The following AR variants were observed in gnomAD, a reference collection of about 807,000 sequenced individuals.
AR encodes androgen receptor, also known as dihydrotestosterone receptor.
A neutral mutation model predicts 53.9 loss-of-function variants in AR; 8 were observed. The ratio of observed to expected loss-of-function variants is 0.15; its 90% CI spans 0.09 to 0.27. The LOEUF (loss-of-function observed/expected upper bound fraction) is 0.27, where lower values mean the gene tolerates loss of function less well. Ranked by LOEUF, AR falls within the 10% of genes least tolerant of loss-of-function variation. The probability of loss-of-function intolerance (pLI) is 1.00; values close to 1 mark genes in which losing one functional copy is unlikely to be tolerated. For synonymous variants in AR, 359 were observed against 316.4 expected, an observed-to-expected ratio of 1.13 and a Z score of -1.43; for missense variants, 639 against 742.5, an observed-to-expected ratio of 0.86 and a Z score of 1.62.
chrX:67,556,266 A>G (rs1405922170), intron 1 of AR, among the ~76,000 whole-genome samples: 2 of 112,188 alleles, frequency 1.8e-5, no homozygotes, highest in Non-Finnish European at 3.8e-5. Context: ...TTTCAGTCCC[A>G]TTCTTTCTTC....
chrX:67,596,707 T>G (rs1350759742), intron 1 of AR, among the ~76,000 whole-genome samples: 1 of 111,796 alleles, frequency 8.9e-6, no homozygotes, highest in Non-Finnish European at 1.9e-5. Context: ...CATAGACTAG[T>G]GAGCACCACT....
chrX:67,556,355 A>G (rs1921051944), intron 1 of AR, among the ~76,000 whole-genome samples: 1 of 111,561 alleles, frequency 9.0e-6, no homozygotes, highest in African/African-American at 3.3e-5. Flanking sequence ...CAGAGAGGCA[A>G]AAGAACCACA....
chrX:67,727,727 C>T lies in AR; in HGVS notation c.*3886C>T. On this transcript the variant is annotated 3_prime_UTR_variant, in exon 8 of 8. Transcript: ENST00000374690. ...CTACCCGAGCATGGCCCCTGCATAG[C>T]CCTGGAAAAATAAGAGGCTGACTGT... 5.8e-6 allele frequency: 1 copy of T among 172,615 alleles called. No individual in the cohort carries two copies. Among genetic ancestry groups the T allele is most frequent in the Non-Finnish European group, 1.1e-5 (1 of 89,809 alleles). 14.2% of individuals were successfully genotyped at this position (172,615 alleles called of 1,213,427 possible).
intron 1 of AR, among the ~76,000 whole-genome samples, chrX:67,589,829 G>A (rs1922742967): frequency 9.0e-6 from 1 of 111,594 alleles, no homozygotes; most frequent in East Asian, 2.8e-4. Context: ...AAGCCTCAAG[G>A]GGAGGAGCTG....
At chrX:67,641,202 G>A (rs899922316) in intron 1 of AR, among the ~76,000 whole-genome samples, 6 of 111,694 alleles carry the variant, frequency 5.4e-5, no homozygotes, top group Non-Finnish European at 7.5e-5. Context: ...TAATAGATGC[G>A]TGATCTTGAA....
chrX:67,699,105 G>C (rs1321927739), intron 3 of AR, among the ~76,000 whole-genome samples: 2 of 112,199 alleles, frequency 1.8e-5, no homozygotes, highest in African/African-American at 6.5e-5. Flanking sequence ...TTCCTTACAA[G>C]GAAGATGTAT....
chrX:67,656,739 G>T (rs1302767527), intron 2 of AR, among the ~76,000 whole-genome samples: 1 of 110,679 alleles, frequency 9.0e-6, no homozygotes, highest in Non-Finnish European at 1.9e-5. Flanking sequence ...TTTATGTCAG[G>T]CCTCGTGCTG....
rs2147315593 is a variant in AR, at chrX:67,545,456, C to T, written c.310C>T (p.Pro104Ser). ...TTCTCCCCAAGCCCATCGTAGAGGC[C>T]CCACAGGCTACCTGGTCCTGGATGA... ...DGSPQAHRRG[P>S]TGYLVLDEEQ... The change falls in exon 1 of 8, where the codon CCC (proline) becomes TCC (serine). Residue 104 changes from proline (P) to serine (S), a missense_variant. This residue lies in a region of AR where 55 missense variants were observed against 84.8 expected (regional missense o/e 0.65). Coordinates refer to ENST00000374690, the MANE Select transcript of AR (RefSeq NM_000044.6). 8.3e-7 allele frequency: 1 copy of T among 1,201,396 alleles called. No homozygotes were observed. The highest frequency in any genetic ancestry group is 1.1e-6 in the Non-Finnish European group (1 of 890,622).
intron 2 of AR, among the ~76,000 whole-genome samples, chrX:67,666,950 G>T (rs979937960): frequency 4.5e-5 from 5 of 110,400 alleles, no homozygotes; most frequent in African/African-American, 1.6e-4. Context: ...CTCTTTATAT[G>T]CCCTAGTTAC....
At chrX:67,663,822 T>G (rs1220191551) in intron 2 of AR, among the ~76,000 whole-genome samples, 1 of 111,878 alleles carries the variant, frequency 8.9e-6, no homozygotes. Flanking sequence ...CTTTGTTCAT[T>G]TCTTTTTATT....
intron 3 of AR, among the ~76,000 whole-genome samples, chrX:67,697,704 A>T (rs764136361): frequency 6.3e-5 from 7 of 111,837 alleles, no homozygotes; most frequent in Non-Finnish European, 1.3e-4. Context: ...CCTATGCAGT[A>T]GTCCAGTCAT....
intron 1 of AR, among the ~76,000 whole-genome samples, chrX:67,625,168 A>G (rs1052064921): frequency 9.0e-6 from 1 of 111,229 alleles, no homozygotes; most frequent in African/African-American, 3.3e-5. Context: ...TTCACTCACA[A>G]TATAATCAAA....
Position 67,723,999 on chromosome X carries a change from C to A in AR, c.*158C>A. Reference sequence around the variant, plus strand: ...ATGTTCCTGAATTCTATTTGCTGGGCTTTTTTTTTCTCTTTCTCTCCTTTC... The same window carrying A: ...ATGTTCCTGAATTCTATTTGCTGGGATTTTTTTTTCTCTTTCTCTCCTTTC... On this transcript the variant is annotated 3_prime_UTR_variant, in exon 8 of 8. Coordinates refer to ENST00000374690, the MANE Select transcript of AR (RefSeq NM_000044.6). 4.3e-6 allele frequency: 3 copies of A among 695,772 alleles called. No homozygotes were observed. The highest frequency in any genetic ancestry group is 6.3e-6 in the Non-Finnish European group (3 of 478,256). The allele number at this position is 695,772 out of a possible 1,213,427, so 57.3% of individuals were successfully genotyped here.
chrX:67,646,306 T>C (rs1346374212), intron 2 of AR, among the ~76,000 whole-genome samples: 2 of 111,009 alleles, frequency 1.8e-5, no homozygotes, highest in Non-Finnish European at 3.8e-5. Context: ...CATTTTCTCC[T>C]TGTCAGTAAT....
chrX:67,633,727 C>A (rs12864107), intron 1 of AR, among the ~76,000 whole-genome samples: 2 of 111,286 alleles, frequency 1.8e-5, no homozygotes, highest in African/African-American at 6.5e-5. Flanking sequence ...GTTTATCTGT[C>A]AATAATAAGA....
chrX:67,626,965 CT>C (rs1168515099), intron 1 of AR, among the ~76,000 whole-genome samples: 4 of 104,690 alleles, frequency 3.8e-5, no homozygotes, highest in African/African-American at 1.4e-4. Flanking sequence ...TGAACTCATC[CT>C]TTTTTATGGC....
chrX:67,568,346 C>T (rs1005250421), intron 1 of AR, among the ~76,000 whole-genome samples: 4 of 111,595 alleles, frequency 3.6e-5, no homozygotes, highest in Non-Finnish European at 5.6e-5. Flanking sequence ...AGGTCAGTTC[C>T]CTTTCGTATG....
intron 2 of AR, among the ~76,000 whole-genome samples, chrX:67,664,404 A>G (rs933381788): frequency 1.1e-4 from 12 of 112,040 alleles, no homozygotes; most frequent in Middle Eastern, 4.6e-3. Flanking sequence ...TTGCCTGGTT[A>G]TCAGCAGCAG....
chrX:67,635,958 GGTTTTTATTTTA>G (rs1293043952), intron 1 of AR, among the ~76,000 whole-genome samples: 1 of 111,162 alleles, frequency 9.0e-6, no homozygotes, highest in Non-Finnish European at 1.9e-5. Context: ...AAACTTTTGA[GGTTTTTATTTTA>G]GTTTTTCTTT....
Sources: allele counts gnomAD v4.1 joint callset (sites outside exome capture counted in the v4.1 genomes callset), GRCh38; gene constraint gnomAD v4.1.1; regional missense constraint gnomAD v4.1.1; transcripts MANE v1.5; gene names NCBI Gene and HGNC (gene_info 2026-07-23, HGNC 2026-07-21).